The following LRCH2 variants were observed in gnomAD, a reference collection of about 807,000 sequenced individuals.
The protein encoded by LRCH2 is leucine-rich repeat and calponin homology domain-containing protein 2.
LRCH2 carries 38 observed loss-of-function variants against 68.9 expected under a neutral mutation model. The observed-to-expected ratio is 0.55, with a 90% CI of 0.43 to 0.72. LRCH2 has a LOEUF of 0.72. Ranked by LOEUF, LRCH2 falls within the 30% of genes least tolerant of loss-of-function variation. The probability of loss-of-function intolerance (pLI) is 0.00; values close to 1 mark genes in which losing one functional copy is unlikely to be tolerated. For synonymous variants in LRCH2, 191 were observed against 208.1 expected, an observed-to-expected ratio of 0.92 and a Z score of 0.71; for missense variants, 528 against 572.9, an observed-to-expected ratio of 0.92 and a Z score of 0.80.
At chrX:115,195,117 T>A (rs2072877653) in intron 1 of LRCH2, among the ~76,000 whole-genome samples, 1 of 110,245 alleles carries the variant, frequency 9.1e-6, no homozygotes, top group Non-Finnish European at 1.9e-5. Context: ...ACCCCGTCTC[T>A]TACTAAAAAT....
chrX:115,154,423 ACT>A (rs2072457165), intron 12 of LRCH2, among the ~76,000 whole-genome samples: 1 of 111,528 alleles, frequency 9.0e-6, no homozygotes, highest in South Asian at 3.8e-4. Context: ...ATTATATAAG[ACT>A]CTAACCAATA....
intron 1 of LRCH2, among the ~76,000 whole-genome samples, chrX:115,230,537 A>G (rs1185912146): frequency 9.0e-6 from 1 of 111,316 alleles, no homozygotes; most frequent in Non-Finnish European, 1.9e-5. Flanking sequence ...GACACTAGAA[A>G]TGCAGAGAGA....
intron 1 of LRCH2, among the ~76,000 whole-genome samples, chrX:115,214,437 G>C (rs1165234196): frequency 2.7e-5 from 3 of 112,028 alleles, no homozygotes; most frequent in African/African-American, 9.7e-5. Flanking sequence ...GTATTCCCTA[G>C]AAGGGTGTTG....
At chrX:115,213,776 A>G (rs1468568727) in intron 1 of LRCH2, among the ~76,000 whole-genome samples, 1 of 112,046 alleles carries the variant, frequency 8.9e-6, no homozygotes, top group Non-Finnish European at 1.9e-5. Flanking sequence ...GATGAACACT[A>G]GACTTGATCT....
intron 1 of LRCH2, among the ~76,000 whole-genome samples, chrX:115,216,181 T>G (rs1237391631): frequency 1.8e-5 from 2 of 111,941 alleles, no homozygotes; most frequent in Non-Finnish European, 3.8e-5. Context: ...TATGGAAATA[T>G]GCTCACAGTA....
At chrX:115,175,309 T>C (rs1162231203) in intron 5 of LRCH2, among the ~76,000 whole-genome samples, 7 of 111,384 alleles carry the variant, frequency 6.3e-5, no homozygotes, top group African/African-American at 2.0e-4. Context: ...AGGCCAGTCA[T>C]AGGCACTAGA....
chrX:115,193,490 A>G (rs2072862551), intron 1 of LRCH2, among the ~76,000 whole-genome samples: 1 of 111,638 alleles, frequency 9.0e-6, no homozygotes, highest in East Asian at 2.8e-4. Flanking sequence ...TCCTTGATTC[A>G]TTCCTCTCCT....
chrX:115,134,312 G>A (rs2072270566), intron 14 of LRCH2, among the ~76,000 whole-genome samples: 1 of 112,723 alleles, frequency 8.9e-6, no homozygotes, highest in Middle Eastern at 4.6e-3. Context: ...AGAAGCTGAA[G>A]CAAGTTATAG....
At chrX:115,198,254 T>C (rs1226880686) in intron 1 of LRCH2, among the ~76,000 whole-genome samples, 1 of 110,806 alleles carries the variant, frequency 9.0e-6, no homozygotes, top group Non-Finnish European at 1.9e-5. Flanking sequence ...GAAACGAAAC[T>C]TTTCCAAGTA....
intron 1 of LRCH2, chrX:115,191,326 C>G: frequency 2.6e-6 from 3 of 1,137,518 alleles, no homozygotes; most frequent in Non-Finnish European, 3.5e-6. Flanking sequence ...AGGAGGAGGC[C>G]GCTACGAGGA....
At chrX:115,191,894 A>G (rs1556560396) in intron 1 of LRCH2, 2 of 1,162,801 alleles carry the variant, frequency 1.7e-6, no homozygotes, top group African/African-American at 3.7e-5. Flanking sequence ...GGAGGCCGCT[A>G]CGAGGAGAAC....
intron 14 of LRCH2, among the ~76,000 whole-genome samples, chrX:115,147,153 G>C (rs140816756): frequency 5.1e-3 from 567 of 111,452 alleles, no homozygotes; most frequent in Non-Finnish European, 8.7e-3. Flanking sequence ...CTCAAGTGTA[G>C]TGTATTTTAC....
intron 14 of LRCH2, among the ~76,000 whole-genome samples, chrX:115,136,292 G>A (rs73222998): frequency 0.017 from 1,906 of 110,473 alleles, 13 homozygotes; most frequent in South Asian, 0.026. Flanking sequence ...CCCTACCCCC[G>A]CCTCACCCAT....
chrX:115,129,699 A>G (rs1281644306), intron 15 of LRCH2, among the ~76,000 whole-genome samples: 1 of 111,914 alleles, frequency 8.9e-6, no homozygotes, highest in Admixed American at 9.6e-5. Flanking sequence ...TTCAACAATG[A>G]TAGGCTGCTG....
chrX:115,215,518 C>T (rs1454324045), intron 1 of LRCH2, among the ~76,000 whole-genome samples: 4 of 109,712 alleles, frequency 3.6e-5, no homozygotes, highest in East Asian at 2.9e-4. Context: ...AGGTCAATGC[C>T]GGAGGATCAC....
intron 8 of LRCH2, 51 bp downstream of exon 8, chrX:115,165,790 T>G: frequency 1.0e-6 from 1 of 978,553 alleles, no homozygotes; most frequent in Non-Finnish European, 1.4e-6. Flanking sequence ...AGCCCATTTT[T>G]AATGTGGGCT....
intron 12 of LRCH2, among the ~76,000 whole-genome samples, chrX:115,150,843 T>G (rs1006846032): frequency 9.0e-6 from 1 of 110,815 alleles, no homozygotes; most frequent in African/African-American, 3.3e-5. Context: ...CAAAAGTTAA[T>G]AGCTTTCCTA....
chrX:115,113,420 T>G, intron 20 of LRCH2, 85 bp from the exon 21 acceptor site: 1 of 766,797 alleles, frequency 1.3e-6, no homozygotes, highest in East Asian at 3.7e-5. Flanking sequence ...AAAACATGAT[T>G]TCTATAAAAT....
intron 1 of LRCH2, among the ~76,000 whole-genome samples, chrX:115,209,465 C>T (rs2072991664): frequency 8.9e-6 from 1 of 112,292 alleles, no homozygotes; most frequent in South Asian, 3.7e-4. Flanking sequence ...GTGAGATGTG[C>T]CTTTTACCTT....
Sources: gnomAD v4.1 joint callset for allele counts (sites outside exome capture counted in the v4.1 genomes callset) on GRCh38, gnomAD v4.1.1 for gene constraint, MANE v1.5 for transcripts, NCBI Gene and HGNC (gene_info 2026-07-23, HGNC 2026-07-21) for gene names.